Variants in GNA15 observed in about 807,000 individuals in gnomAD.
GNA15 encodes the protein guanine nucleotide-binding protein subunit alpha-15.
GNA15 carries 23 observed loss-of-function variants against 40.1 expected under a neutral mutation model. The ratio of observed to expected loss-of-function variants is 0.57; its 90% CI spans 0.41 to 0.81. The LOEUF is 0.81. GNA15 is among the 40% of genes least tolerant of loss of function. The pLI is 0.00. For synonymous variants in GNA15, 226 were observed against 210.4 expected, an observed-to-expected ratio of 1.07 and a Z score of -0.64; for missense variants, 522 against 515.8, an observed-to-expected ratio of 1.01 and a Z score of -0.12.
At position 3,157,763 on chromosome 19, in the gene GNA15, T is replaced by C. The variant is rs1201980767; in HGVS notation, c.780T>C (p.Thr260=). 3.1e-6 allele frequency: 5 copies of C among 1,614,082 alleles called. No individual in the cohort carries two copies. Among genetic ancestry groups the C allele is most frequent in the Non-Finnish European group, 4.2e-6 (5 of 1,179,924 alleles). Residue 260 remains threonine, a synonymous_variant, in exon 6 of 7, where the codon ACT becomes ACC. Transcript: ENST00000262958. The stretch of plus-strand genomic sequence containing the variant: ...AGGAGAGCCTCGCATTGTTTGGGAC[T>C]ATCCTGGAACTACCCTGGTTCAAAA... ...RMKESLALFG[T]ILELPWFKST...
In GNA15 at chr19:3,148,607, G is replaced by T; in HGVS notation, c.162G>T (p.Gly54=). 1 of 1,582,846 alleles carries T rather than the reference G, an allele frequency of 6.3e-7. No individual in the cohort carries two copies. The highest frequency in any genetic ancestry group is 1.1e-5 in the South Asian group (1 of 87,282). The change falls in exon 2 of 7, where the codon GGG becomes GGT. Residue 54 remains glycine, a synonymous_variant. Transcript: ENST00000262958. ...KLLLLGPGES[G]KSTFIKQMRI... ...CATCCCCAGGCCCAGGCGAGAGCGG[G>T]AAGAGCACCTTCATCAAGCAGATGC...
intron 1 of GNA15, among the ~76,000 whole-genome samples, chr19:3,140,798 C>A (rs1914560167): frequency 6.6e-6 from 1 of 152,196 alleles, no homozygotes; most frequent in African/African-American, 2.4e-5. Context: ...TTCCCCCAGA[C>A]ACTGTATCAT....
At chr19:3,142,795 C>T (rs1481230386) in intron 1 of GNA15, among the ~76,000 whole-genome samples, 1 of 152,150 alleles carries the variant, frequency 6.6e-6, no homozygotes, top group Non-Finnish European at 1.5e-5. Flanking sequence ...TCGCTTGAAC[C>T]TGGGAGGAGG....
At chr19:3,146,864 T>A (rs1021373720) in intron 1 of GNA15, among the ~76,000 whole-genome samples, 2 of 151,924 alleles carry the variant, frequency 1.3e-5, no homozygotes, top group Admixed American at 6.6e-5. Context: ...GCCCAAGACT[T>A]CCCTGCAACC....
chr19:3,155,693 C>A lies in GNA15; in HGVS notation c.615-130C>A. The A allele has an allele frequency of 1.9e-6, 2 of 1,061,238 alleles. No individual in the cohort carries two copies. The highest frequency in any genetic ancestry group is 2.7e-6 in the Non-Finnish European group (2 of 734,386). 65.7% of individuals were successfully genotyped at this position (1,061,238 alleles called of 1,614,324 possible). On this transcript the variant is annotated intron_variant, in intron 4 of 6. Coordinates refer to ENST00000262958, the MANE Select transcript of GNA15 (RefSeq NM_002068.4). The surrounding 1 kb of genome is among the most constrained non-coding windows in gnomAD (Gnocchi z 5.6). The stretch of plus-strand genomic sequence containing the variant: ...GCCTCGCGGGAATGACATGGCAAAT[C>A]CACGAGAGGCTAGCACCTATTCTTG...
rs1385375043 is a variant in GNA15 at position 3,136,073 on chromosome 19, G to C, written c.-378G>C. 5.5e-6 allele frequency: 1 copy of C among 182,136 alleles called. No individual in the cohort carries two copies. The highest frequency in any genetic ancestry group is 1.2e-5 in the Non-Finnish European group (1 of 86,828). 11.3% of individuals were successfully genotyped at this position (182,136 alleles called of 1,614,324 possible). A position where few individuals can be genotyped will look rare whatever the true frequency, so the allele number is the denominator to read the frequency against. ...GGCCCTGCTGGTCACACAGGACCCA[G>C]TCTGCGGTGGGGGTTTTCCCGCCAC... On this transcript the variant is annotated 5_prime_UTR_variant, in exon 1 of 7. Coordinates refer to ENST00000262958, the MANE Select transcript of GNA15 (RefSeq NM_002068.4). The surrounding 1 kb of genome is among the most constrained non-coding windows in gnomAD (Gnocchi z 4.9).
Position 3,162,805 on chromosome 19 carries a change from A to G in GNA15, c.911A>G (p.Asp304Gly). The G allele has an allele frequency of 6.2e-7, 1 of 1,612,600 alleles. No individual in the cohort carries two copies. Among genetic ancestry groups the G allele is most frequent in the Non-Finnish European group, 8.5e-7 (1 of 1,178,698 alleles). ...ACTGTTTCCCCAGGCCCTAAGCAGG[A>G]TGCTGAGGCAGCCAAGAGGTTCATC... ...YFPSFQGPKQ[D>G]AEAAKRFILD... is the part of the protein sequence containing the mutation. Residue 304 changes from aspartate (D) to glycine (G), a missense_variant, in exon 7 of 7, where the codon GAT becomes GGT. Asp to Gly is a moderately conservative substitution (Grantham distance 94). Transcript: ENST00000262958.
At chr19:3,158,011 C>G in intron 6 of GNA15, 130 bp downstream of exon 6, 1 of 711,034 alleles carries the variant, frequency 1.4e-6, no homozygotes, top group Non-Finnish European at 2.5e-6. Context: ...GCGTTCTAGA[C>G]TCAGCTCCAT....
chr19:3,153,110 T>C (rs1914917955), intron 4 of GNA15, among the ~76,000 whole-genome samples: 1 of 152,116 alleles, frequency 6.6e-6, no homozygotes, highest in African/African-American at 2.4e-5. Flanking sequence ...CTTTAAGAGC[T>C]GTAACACTTA....
chr19:3,160,647 C>G (rs550581238), intron 6 of GNA15, among the ~76,000 whole-genome samples: 5 of 152,090 alleles, frequency 3.3e-5, no homozygotes, highest in Non-Finnish European at 7.4e-5. Context: ...CTGGGGATGC[C>G]GTAACAAAGT....
intron 4 of GNA15, among the ~76,000 whole-genome samples, chr19:3,154,149 T>C (rs1361101666): frequency 7.2e-6 from 1 of 138,756 alleles, no homozygotes; most frequent in Non-Finnish European, 1.5e-5. Context: ...GATGGATAGA[T>C]GGATGGATGG....
At chr19:3,159,346 C>CTTT (rs112224395) in intron 6 of GNA15, among the ~76,000 whole-genome samples, 1 of 115,134 alleles carries the variant, frequency 8.7e-6, no homozygotes, top group African/African-American at 3.5e-5. Context: ...AATTTCTTTT[C>CTTT]TTTTTTTTTT....
At chr19:3,156,477 C>T (rs988590995) in intron 5 of GNA15, among the ~76,000 whole-genome samples, 32 of 150,882 alleles carry the variant, frequency 2.1e-4, no homozygotes, top group Middle Eastern at 3.4e-3. Context: ...GGCACACACA[C>T]GCACACACAG....
chr19:3,144,492 C>T (rs1178170978), intron 1 of GNA15, among the ~76,000 whole-genome samples: 2 of 151,962 alleles, frequency 1.3e-5, no homozygotes, highest in Non-Finnish European at 1.5e-5. Flanking sequence ...GGGATGTTGT[C>T]GTTTGAGTAG....
At chr19:3,143,965 A>C (rs1033178909) in intron 1 of GNA15, among the ~76,000 whole-genome samples, 19 of 148,376 alleles carry the variant, frequency 1.3e-4, no homozygotes, top group African/African-American at 3.5e-4. Flanking sequence ...CTAAAAAAAA[A>C]CAAAAAAAAT....
At chr19:3,161,182 A>G (rs991974873) in intron 6 of GNA15, among the ~76,000 whole-genome samples, 1 of 152,012 alleles carries the variant, frequency 6.6e-6, no homozygotes, top group Non-Finnish European at 1.5e-5. Flanking sequence ...GGGCCCAACC[A>G]CACATCTGTC....
chr19:3,144,818 G>C (rs777005765), intron 1 of GNA15, among the ~76,000 whole-genome samples: 1 of 148,488 alleles, frequency 6.7e-6, no homozygotes, highest in East Asian at 2.0e-4. Context: ...GTGAGCCACC[G>C]GGCCCGGCCC....
rs186054708 is a variant in GNA15, at chr19:3,157,900, T to C, written c.898+19T>C. 941 of 1,586,596 alleles carry C rather than the reference T, an allele frequency of 5.9e-4. No homozygotes were observed. Among genetic ancestry groups the C allele is most frequent in the Non-Finnish European group, 7.4e-4 (855 of 1,154,922 alleles). ...TTCCAGGGTAAGTAATTCTAGAACTTTCTATACCCTTCAACTCCCAAAAGC... is the reference window on the plus strand; with the variant it reads ...TTCCAGGGTAAGTAATTCTAGAACTCTCTATACCCTTCAACTCCCAAAAGC... On this transcript the variant is annotated intron_variant, in intron 6 of 6. Transcript: ENST00000262958.
At chr19:3,156,163 G>GACACAC (rs141415003) in intron 5 of GNA15, among the ~76,000 whole-genome samples, 3,206 of 136,008 alleles carry the variant, frequency 0.024, 63 homozygotes, top group African/African-American at 0.044. Context: ...CAGGACCCCA[G>GACACAC]ACACACACAC....
Sources: allele counts gnomAD v4.1 joint callset (sites outside exome capture counted in the v4.1 genomes callset), GRCh38; gene constraint gnomAD v4.1.1; non-coding constraint Gnocchi (gnomAD v3.1); transcripts MANE v1.5; gene names NCBI Gene and HGNC (gene_info 2026-07-23, HGNC 2026-07-21).